The following FHIT variants were observed in gnomAD, a reference collection of about 807,000 sequenced individuals.
The protein encoded by FHIT is fragile histidine triad diadenosine triphosphatase, also known as bis(5'-adenosyl)-triphosphatase.
Under a neutral mutation model 17.9 loss-of-function variants are expected in FHIT, and 19 were observed. The ratio of observed to expected loss-of-function variants is 1.06; its 90% CI spans 0.74 to 1.56. The LOEUF (loss-of-function observed/expected upper bound fraction) is 1.56, where lower values mean the gene tolerates loss of function less well. FHIT is among the 40% of genes most tolerant of loss of function. The probability of loss-of-function intolerance (pLI) is 0.00; values close to 1 mark genes in which losing one functional copy is unlikely to be tolerated. For missense variants in FHIT, 248 were observed against 189.2 expected (o/e 1.31, Z -1.82); for synonymous variants, 81 against 69.7 (o/e 1.16, Z -0.81).
chr3:60,173,902 TATATATA>T (rs1701535227), intron 5 of FHIT, among the ~76,000 whole-genome samples: 6 of 76,730 alleles, frequency 7.8e-5, no homozygotes, highest in Admixed American at 5.1e-4. Flanking sequence ...TATATATATA[TATATATA>T]TATATATGTT....
chr3:60,711,988 GA>G (rs1256429236), intron 4 of FHIT, among the ~76,000 whole-genome samples: 5 of 152,156 alleles, frequency 3.3e-5, no homozygotes, highest in Non-Finnish European at 7.3e-5. Flanking sequence ...CACCAAAGTT[GA>G]AATGAAGGAA....
At chr3:60,635,138 C>A (rs557346420) in intron 4 of FHIT, among the ~76,000 whole-genome samples, 47 of 152,312 alleles carry the variant, frequency 3.1e-4, no homozygotes, top group African/African-American at 1.1e-3. Flanking sequence ...AAAAGGACAG[C>A]AGGCAGTCAT....
chr3:60,640,152 T>C (rs557737782), intron 4 of FHIT, among the ~76,000 whole-genome samples: 1 of 152,282 alleles, frequency 6.6e-6, no homozygotes, highest in African/African-American at 2.4e-5. Flanking sequence ...ATGTCCACAG[T>C]GTGGCACAAG....
chr3:59,922,108 C>G (rs1481492671), intron 8 of FHIT, among the ~76,000 whole-genome samples: 1 of 152,098 alleles, frequency 6.6e-6, no homozygotes, highest in East Asian at 1.9e-4. Context: ...ATAGAAATCA[C>G]AAGGACACTT....
intron 3 of FHIT, among the ~76,000 whole-genome samples, chr3:61,021,548 G>A (rs973022271): frequency 1.6e-4 from 22 of 133,978 alleles, no homozygotes; most frequent in Non-Finnish European, 2.8e-4. Flanking sequence ...GCAGTGAGCC[G>A]AGATCCCGCC....
chr3:60,701,123 C>CTT lies in FHIT; in HGVS notation c.-18+120794_-18+120795dup, dbSNP rs11425787. 3.1e-3 allele frequency among the ~76,000 whole-genome samples: 405 copies of CTT among 132,620 alleles called. 1 individual carries two copies. Among genetic ancestry groups the CTT allele is most frequent in the African/African-American group, 6.3e-3 (221 of 35,228 alleles). The allele number at this position is 132,620 out of a possible 152,430, so 87.0% of individuals were successfully genotyped here. A position where few individuals can be genotyped will look rare whatever the true frequency, so the allele number is the denominator to read the frequency against. ...ATTTCCCAACTGAACTGAAAAGACCCTTTTTTTTTTTTTTTTTTAAGACAG... is the reference window on the plus strand; with the variant it reads ...ATTTCCCAACTGAACTGAAAAGACCCTTTTTTTTTTTTTTTTTTTTAAGACAG... On this transcript the variant is annotated intron_variant, in intron 4 of 9. Coordinates refer to ENST00000492590, the MANE Select transcript of FHIT (RefSeq NM_002012.4).
chr3:60,923,674 C>T (rs1553769009), intron 3 of FHIT, among the ~76,000 whole-genome samples: 1 of 152,078 alleles, frequency 6.6e-6, no homozygotes, highest in African/African-American at 2.4e-5. Context: ...AACTGAGGTA[C>T]CAGGTTCATC....
chr3:60,331,615 G>T (rs1318644036), intron 5 of FHIT, among the ~76,000 whole-genome samples: 1 of 152,162 alleles, frequency 6.6e-6, no homozygotes. Context: ...GGGAGGCTGA[G>T]GTGGGTGGAT....
In FHIT at chr3:60,023,470, T is replaced by C. The variant is rs533241094; in HGVS notation, c.104-9318A>G. On this transcript the variant is annotated intron_variant, in intron 5 of 9. Coordinates refer to ENST00000492590, the MANE Select transcript of FHIT (RefSeq NM_002012.4). ...GACAGGATTCTTCCAGTGCAAGCTC[T>C]ATCAGGTTTTGAAATTATGGATTCC... Among the ~76,000 whole-genome samples, 145 of 152,306 alleles carry C rather than the reference T, an allele frequency of 9.5e-4. 1 individual carries two copies. The highest frequency in any genetic ancestry group is 3.4e-3 in the Middle Eastern group (1 of 294).
chr3:60,775,185 C>T (rs977871746), intron 4 of FHIT, among the ~76,000 whole-genome samples: 4 of 152,054 alleles, frequency 2.6e-5, no homozygotes, highest in African/African-American at 9.7e-5. Context: ...TGTTTAAATG[C>T]CCCTGATAGA....
rs376118899 is a variant in FHIT, at chr3:60,412,909, A to G, written c.103+123951T>C. Reference sequence around the variant, plus strand: ...AAGTGGTAGTTTTTCCTGTTTGCACATGCTTTCTCTCACCTGCCACCATGT... The same window carrying G: ...AAGTGGTAGTTTTTCCTGTTTGCACGTGCTTTCTCTCACCTGCCACCATGT... On this transcript the variant is annotated intron_variant, in intron 5 of 9. Transcript: ENST00000492590. Among the ~76,000 whole-genome samples, 9 of 152,204 alleles carry G rather than the reference A, an allele frequency of 5.9e-5. 1 individual carries two copies. The South Asian group carries it at 6.2e-4, about 11-fold the overall frequency.
intron 5 of FHIT, among the ~76,000 whole-genome samples, chr3:60,154,684 G>A (rs1460684344): frequency 2.6e-5 from 4 of 152,112 alleles, no homozygotes; most frequent in East Asian, 1.9e-4. Context: ...ATGACATGAC[G>A]GTTTCATATG....
intron 3 of FHIT, among the ~76,000 whole-genome samples, chr3:60,961,950 T>C (rs1239288538): frequency 6.6e-6 from 1 of 152,214 alleles, no homozygotes; most frequent in Non-Finnish European, 1.5e-5. Context: ...AGGTAGTTTT[T>C]TCCAATTCTG....
chr3:60,306,214 A>G (rs1411372682), intron 5 of FHIT, among the ~76,000 whole-genome samples: 1 of 152,146 alleles, frequency 6.6e-6, no homozygotes, highest in Non-Finnish European at 1.5e-5. Flanking sequence ...TTTTGATTAG[A>G]ACTAGAGTAC....
intron 5 of FHIT, among the ~76,000 whole-genome samples, chr3:60,273,022 A>T (rs1228851449): frequency 6.6e-6 from 1 of 152,214 alleles, no homozygotes; most frequent in Non-Finnish European, 1.5e-5. Context: ...CTAACAAGGT[A>T]AACAATGGAT....
chr3:60,381,577 A>G (rs1181025648), intron 5 of FHIT, among the ~76,000 whole-genome samples: 1 of 152,230 alleles, frequency 6.6e-6, no homozygotes, highest in African/African-American at 2.4e-5. Flanking sequence ...ATAATATTTC[A>G]AAGAACAGGA....
intron 5 of FHIT, among the ~76,000 whole-genome samples, chr3:60,358,228 A>T (rs1448941351): frequency 6.6e-6 from 1 of 152,234 alleles, no homozygotes; most frequent in African/African-American, 2.4e-5. Context: ...CATAAAATAG[A>T]TTAAAATATT....
chr3:60,146,351 A>G (rs1700240536), intron 5 of FHIT, among the ~76,000 whole-genome samples: 1 of 151,964 alleles, frequency 6.6e-6, no homozygotes, highest in African/African-American at 2.4e-5. Context: ...ACATTTAACA[A>G]TAGGCTATTG....
At chr3:60,762,948 A>G (rs1254550070) in intron 4 of FHIT, among the ~76,000 whole-genome samples, 9 of 152,128 alleles carry the variant, frequency 5.9e-5, no homozygotes, top group African/African-American at 2.2e-4. Context: ...ACGGCTTAAA[A>G]TCGATCATCT....
Sources: allele counts gnomAD v4.1 joint callset (sites outside exome capture counted in the v4.1 genomes callset), GRCh38; gene constraint gnomAD v4.1.1; transcripts MANE v1.5; gene names NCBI Gene and HGNC (gene_info 2026-07-23, HGNC 2026-07-21).